Variants in ATP10A observed in about 807,000 individuals in gnomAD.
The protein encoded by ATP10A is phospholipid-transporting ATPase VA.
A neutral mutation model predicts 147.8 loss-of-function variants in ATP10A; 111 were observed. That is an observed-to-expected ratio of 0.75 (90% CI 0.64 to 0.88). ATP10A has a LOEUF of 0.88. ATP10A is among the 40% of genes least tolerant of loss of function. The probability of loss-of-function intolerance (pLI) is 0.00; values close to 1 mark genes in which losing one functional copy is unlikely to be tolerated. For synonymous variants in ATP10A, 875 were observed against 841.6 expected (o/e 1.04, Z -0.69); for missense variants, 1,927 against 1,959.0 (o/e 0.98, Z 0.31).
At chr15:25,864,658 T>G (rs1047987054), upstream of ATP10A, among the ~76,000 whole-genome samples, 1 of 152,196 alleles carries the variant, frequency 6.6e-6, no homozygotes, top group African/African-American at 2.4e-5. Context: ...GGTGGGCTTT[T>G]GACATGTAGA....
At chr15:25,789,598 G>A (rs932683015) in intron 1 of ATP10A, among the ~76,000 whole-genome samples, 1 of 152,038 alleles carries the variant, frequency 6.6e-6, no homozygotes, top group Admixed American at 6.6e-5. Flanking sequence ...GTGTGACAGA[G>A]ACAGAGAGAA....
intron 5 of ATP10A, among the ~76,000 whole-genome samples, chr15:25,725,434 T>C (rs1443487707): frequency 6.6e-6 from 1 of 152,156 alleles, no homozygotes; most frequent in Non-Finnish European, 1.5e-5. Flanking sequence ...GGGGGAGTCC[T>C]GGAACCAACC....
chr15:25,733,454 G>A (rs772272666), intron 3 of ATP10A, among the ~76,000 whole-genome samples: 11 of 152,170 alleles, frequency 7.2e-5, no homozygotes, highest in Admixed American at 2.0e-4. Flanking sequence ...TCCTCACTGC[G>A]AGGCTGCCCC....
At chr15:25,820,688 T>G (rs915138036) in intron 1 of ATP10A, among the ~76,000 whole-genome samples, 21 of 152,100 alleles carry the variant, frequency 1.4e-4, no homozygotes, top group Admixed American at 1.4e-3. Context: ...GAATTTTATG[T>G]GGTAAAGAAG....
intron 1 of ATP10A, among the ~76,000 whole-genome samples, chr15:25,838,435 C>T (rs190341489): frequency 2.3e-4 from 35 of 152,248 alleles, no homozygotes; most frequent in African/African-American, 8.2e-4. Flanking sequence ...GTGACAGTGA[C>T]ACCTTCACAT....
At chr15:25,693,855 C>G (rs1193173324) in intron 14 of ATP10A, among the ~76,000 whole-genome samples, 1 of 152,216 alleles carries the variant, frequency 6.6e-6, no homozygotes, top group African/African-American at 2.4e-5. Context: ...TCTCCTCTGG[C>G]CAGGTGAGGT....
rs1232301436 is a variant in ATP10A at position 25,687,802 on chromosome 15, C to G, written c.3192G>C (p.Val1064=). 6.2e-7 allele frequency: 1 copy of G among 1,613,914 alleles called. No individual in the cohort carries two copies. The highest frequency in any genetic ancestry group is 2.2e-5 in the East Asian group (1 of 44,820). ...GCCTCTCCAGGTATCGGAATTTCGGCACTGCAAAGTCGCTGGCCATCACTG... is the reference window on the plus strand; with the variant it reads ...GCCTCTCCAGGTATCGGAATTTCGGGACTGCAAAGTCGCTGGCCATCACTG... ...MQAVMASDFA[V]PKFRYLERLL... The change falls in exon 16 of 21, where the codon GTG becomes GTC. Residue 1064 remains valine, a synonymous_variant. Transcript: ENST00000555815.
downstream of ATP10A, among the ~76,000 whole-genome samples, chr15:25,675,766 C>T (rs757375166): frequency 1.2e-4 from 18 of 152,138 alleles, no homozygotes; most frequent in Non-Finnish European, 2.2e-4. Flanking sequence ...GCCAACACGG[C>T]GAAAGCCCAT....
At chr15:25,852,292 C>T (rs1030002235) in intron 1 of ATP10A, among the ~76,000 whole-genome samples, 1 of 152,096 alleles carries the variant, frequency 6.6e-6, no homozygotes, top group Non-Finnish European at 1.5e-5. Flanking sequence ...GCCATCCTCC[C>T]TCCAAAGTAA....
In ATP10A at chr15:25,679,590, A is replaced by G. The variant is rs775732760; in HGVS notation, c.4251T>C (p.Ala1417=). 1 of 1,610,434 alleles carries G rather than the reference A, an allele frequency of 6.2e-7. No homozygotes were observed. The highest frequency in any genetic ancestry group is 1.1e-5 in the South Asian group (1 of 91,016). The change falls in exon 21 of 21, where the codon GCT becomes GCC. Residue 1417 remains alanine (A), a synonymous_variant. Coordinates refer to ENST00000555815, the MANE Select transcript of ATP10A (RefSeq NM_024490.4). ...GGCPEESKVR[A]ASTGRVTPLS... ...GGGGGGTCACCCTGCCGGTGCTGGC[A>G]GCTCTCACCTTGGACTCCTCAGGAC...
chr15:25,717,133 G>C (rs1901870358), intron 8 of ATP10A, among the ~76,000 whole-genome samples: 1 of 152,166 alleles, frequency 6.6e-6, no homozygotes, highest in African/African-American at 2.4e-5. Flanking sequence ...TGAAAACCAT[G>C]CTTCAGCATT....
intron 1 of ATP10A, among the ~76,000 whole-genome samples, chr15:25,828,046 GTACAA>G (rs1244845227): frequency 6.6e-6 from 1 of 151,972 alleles, no homozygotes; most frequent in African/African-American, 2.4e-5. Flanking sequence ...AAAAATGATA[GTACAA>G]ATCAAGAAAG....
At chr15:25,693,743 G>A (rs571457606) in intron 14 of ATP10A, among the ~76,000 whole-genome samples, 1 of 152,334 alleles carries the variant, frequency 6.6e-6, no homozygotes, top group South Asian at 2.1e-4. Flanking sequence ...TCTCCTTAGC[G>A]GTTACTGGCC....
intron 1 of ATP10A, among the ~76,000 whole-genome samples, chr15:25,847,609 C>CT (rs34212354): frequency 0.011 from 437 of 40,730 alleles, 181 homozygotes; most frequent in East Asian, 0.018. Context: ...CAGCTACAGC[C>CT]TTTTTTTTTT....
chr15:25,707,529 CA>C (rs1443350581), intron 12 of ATP10A, among the ~76,000 whole-genome samples: 4 of 152,160 alleles, frequency 2.6e-5, no homozygotes, highest in African/African-American at 7.2e-5. Context: ...AAGATGAACA[CA>C]GCTGGAAATG....
At chr15:25,806,934 GTATTTT>G (rs1891215090) in intron 1 of ATP10A, among the ~76,000 whole-genome samples, 1 of 152,216 alleles carries the variant, frequency 6.6e-6, no homozygotes, top group Non-Finnish European at 1.5e-5. Context: ...TGAAGGGAAT[GTATTTT>G]TCTCTAGTAT....
chr15:25,769,258 G>A (rs965845368), intron 2 of ATP10A, among the ~76,000 whole-genome samples: 3 of 151,924 alleles, frequency 2.0e-5, no homozygotes, highest in South Asian at 2.1e-4. Flanking sequence ...AGGCTGAGGC[G>A]GATGGATCAT....
intron 2 of ATP10A, among the ~76,000 whole-genome samples, chr15:25,749,341 G>C (rs909243040): frequency 6.6e-6 from 1 of 152,172 alleles, no homozygotes; most frequent in African/African-American, 2.4e-5. Flanking sequence ...GCAAATAAGA[G>C]AGAAATAGAG....
At chr15:25,843,905 A>G (rs986857058) in intron 1 of ATP10A, among the ~76,000 whole-genome samples, 5 of 152,154 alleles carry the variant, frequency 3.3e-5, no homozygotes, top group Non-Finnish European at 1.5e-5. Flanking sequence ...TCTCCCTTTT[A>G]GCCGATTTCC....
Sources: allele counts gnomAD v4.1 joint callset (sites outside exome capture counted in the v4.1 genomes callset), GRCh38; gene constraint gnomAD v4.1.1; transcripts MANE v1.5; gene names NCBI Gene and HGNC (gene_info 2026-07-23, HGNC 2026-07-21).